Variants in NAALADL2 observed in about 807,000 individuals in gnomAD.
NAALADL2 encodes the protein N-acetylated alpha-linked acidic dipeptidase like 2.
Under a neutral mutation model 87.2 loss-of-function variants are expected in NAALADL2, and 76 were observed. That is an observed-to-expected ratio of 0.87 (90% CI 0.72 to 1.05). The LOEUF (loss-of-function observed/expected upper bound fraction) is 1.05, where lower values mean the gene tolerates loss of function less well. Ranked by LOEUF, NAALADL2 falls within the 50% of genes least tolerant of loss-of-function variation. The pLI is 0.00. For synonymous variants in NAALADL2, 354 were observed against 331.0 expected (o/e 1.07, Z -0.75); for missense variants, 1,089 against 945.8 (o/e 1.15, Z -1.99).
At chr3:175,643,393 A>G (rs1729559494) in intron 11 of NAALADL2, among the ~76,000 whole-genome samples, 1 of 152,210 alleles carries the variant, frequency 6.6e-6, no homozygotes, top group Non-Finnish European at 1.5e-5. Flanking sequence ...ATAGGGAATG[A>G]ATATCTTTAA....
chr3:174,573,828 C>T (rs575468203), intron 2 of NAALADL2, among the ~76,000 whole-genome samples: 14 of 152,222 alleles, frequency 9.2e-5, no homozygotes, highest in African/African-American at 2.2e-4. Flanking sequence ...CAGCAGGCCC[C>T]ACCTCCAACA....
At position 175,700,594 on chromosome 3, in the gene NAALADL2, C is replaced by A. The variant is rs150466814; in HGVS notation, c.1897-36712C>A. On this transcript the variant is annotated intron_variant, in intron 11 of 13. Coordinates refer to ENST00000454872, the MANE Select transcript of NAALADL2 (RefSeq NM_207015.3). ...TTTTTTAAAGCAAGAGCTTTTACTA[C>A]CTGAAGTTGCTTACAGGAGGCTGTA... Among the ~76,000 whole-genome samples, 664 of 152,000 alleles carry A rather than the reference C, an allele frequency of 4.4e-3. 6 individuals are homozygous for A. Among genetic ancestry groups the A allele is most frequent in the African/African-American group, 0.015 (624 of 41,458 alleles).
intron 11 of NAALADL2, among the ~76,000 whole-genome samples, chr3:175,665,364 A>G (rs754142347): frequency 6.6e-6 from 1 of 152,220 alleles, no homozygotes; most frequent in South Asian, 2.1e-4. Context: ...CGGGATTTCA[A>G]ATATAAAAAT....
intron 9 of NAALADL2, among the ~76,000 whole-genome samples, chr3:175,472,067 A>G (rs1724987097): frequency 6.6e-6 from 1 of 151,962 alleles, no homozygotes; most frequent in Non-Finnish European, 1.5e-5. Context: ...CCAATTCTGT[A>G]ATCTTGACAT....
chr3:175,486,378 G>A (rs891414089), intron 9 of NAALADL2, among the ~76,000 whole-genome samples: 7 of 152,082 alleles, frequency 4.6e-5, no homozygotes, highest in Non-Finnish European at 1.0e-4. Flanking sequence ...TCACTACGTA[G>A]TCTCTAGTTC....
At chr3:175,346,603 T>TAA (rs141552196) in intron 5 of NAALADL2, among the ~76,000 whole-genome samples, 2 of 151,998 alleles carry the variant, frequency 1.3e-5, no homozygotes, top group African/African-American at 4.8e-5. Flanking sequence ...CACAGGCAGT[T>TAA]AAAAAAATGG....
At chr3:174,858,894 A>T (rs986595619), upstream of NAALADL2, among the ~76,000 whole-genome samples, 4 of 151,952 alleles carry the variant, frequency 2.6e-5, no homozygotes, top group African/African-American at 9.7e-5. Flanking sequence ...AGTATTAGAG[A>T]TAATCCAAAA....
intron 11 of NAALADL2, among the ~76,000 whole-genome samples, chr3:175,733,045 A>G (rs1431280188): frequency 2.6e-5 from 4 of 152,144 alleles, no homozygotes; most frequent in African/African-American, 7.2e-5. Flanking sequence ...TATCCTGCAC[A>G]TGTACCCCAG....
chr3:174,818,957 A>G lies in NAALADL2; in HGVS notation c.-9+81211A>G, dbSNP rs1008803100. On this transcript the variant is annotated intron_variant, in intron 3 of 3. Coordinates refer to the NAALADL2 transcript ENST00000434257. ...TTTTACTTTTAAAAGATTCTTTTCT[A>G]TTTTTGTTTGTTTCTTTCTTAAAAA... Among the ~76,000 whole-genome samples the G allele has an allele frequency of 6.1e-5, 9 of 146,814 alleles. No homozygotes were observed. In the East Asian group the frequency reaches 1.0e-3, roughly 16 times the overall value.
chr3:175,671,651 C>A (rs1734023042), intron 11 of NAALADL2, among the ~76,000 whole-genome samples: 1 of 151,872 alleles, frequency 6.6e-6, no homozygotes, highest in Admixed American at 6.6e-5. Flanking sequence ...TGACAGCTTG[C>A]TAGAGTAAGT....
intron 1 of NAALADL2, among the ~76,000 whole-genome samples, chr3:175,044,218 A>G (rs1486087147): frequency 6.6e-6 from 1 of 152,146 alleles, no homozygotes; most frequent in African/African-American, 2.4e-5. Context: ...AATTTTGAAA[A>G]AAATACACTA....
At chr3:174,676,460 A>C (rs1490805736) in intron 2 of NAALADL2, among the ~76,000 whole-genome samples, 2 of 152,006 alleles carry the variant, frequency 1.3e-5, no homozygotes, top group Non-Finnish European at 2.9e-5. Flanking sequence ...TGTATTCCAA[A>C]ATATTTTGTA....
intron 3 of NAALADL2, among the ~76,000 whole-genome samples, chr3:174,784,991 T>A (rs1716422957): frequency 6.6e-6 from 1 of 152,154 alleles, no homozygotes; most frequent in Admixed American, 6.5e-5. Context: ...TCAAGATCTT[T>A]TGTCCTTTTT....
intron 10 of NAALADL2, among the ~76,000 whole-genome samples, chr3:175,602,021 T>A (rs1723037359): frequency 6.6e-6 from 1 of 152,178 alleles, no homozygotes; most frequent in Non-Finnish European, 1.5e-5. Flanking sequence ...TAGATAGGTA[T>A]TAATACATAT....
chr3:174,568,578 A>G (rs183361625), intron 2 of NAALADL2, among the ~76,000 whole-genome samples: 1 of 152,042 alleles, frequency 6.6e-6, no homozygotes, highest in Admixed American at 6.6e-5. Flanking sequence ...AATGAGCCAC[A>G]CAGAAAATCA....
chr3:175,429,337 A>G (rs868053561), intron 5 of NAALADL2, among the ~76,000 whole-genome samples: 1 of 151,984 alleles, frequency 6.6e-6, no homozygotes, highest in African/African-American at 2.4e-5. Context: ...GATATGTTTC[A>G]TGCTATAAAT....
chr3:175,704,382 A>G (rs1739388790), intron 11 of NAALADL2, among the ~76,000 whole-genome samples: 1 of 152,220 alleles, frequency 6.6e-6, no homozygotes, highest in Admixed American at 6.5e-5. Flanking sequence ...TCAAAGCCAT[A>G]CATATAATAC....
At chr3:174,701,379 AT>A (rs1700331084) in intron 2 of NAALADL2, among the ~76,000 whole-genome samples, 1 of 152,020 alleles carries the variant, frequency 6.6e-6, no homozygotes, top group African/African-American at 2.4e-5. Context: ...CTCTTTATAG[AT>A]CATTTTCACC....
intron 3 of NAALADL2, among the ~76,000 whole-genome samples, chr3:175,246,846 G>A (rs1027985370): frequency 6.6e-6 from 1 of 152,044 alleles, no homozygotes; most frequent in Non-Finnish European, 1.5e-5. Flanking sequence ...TGATATTAGG[G>A]AAAAGCAAGA....
Sources: allele counts gnomAD v4.1 joint callset (sites outside exome capture counted in the v4.1 genomes callset), GRCh38; gene constraint gnomAD v4.1.1; transcripts MANE v1.5; gene names NCBI Gene and HGNC (gene_info 2026-07-23, HGNC 2026-07-21).